The following NKAIN2 variants were observed in gnomAD, a reference collection of about 807,000 sequenced individuals.
NKAIN2 encodes the protein sodium/potassium-transporting ATPase subunit beta-1-interacting protein 2.
In NKAIN2, 14 loss-of-function variants were observed where a neutral mutation model predicts 32.6. The observed-to-expected ratio is 0.43, with a 90% CI of 0.28 to 0.67. The LOEUF (loss-of-function observed/expected upper bound fraction) is 0.67, where lower values mean the gene tolerates loss of function less well. NKAIN2 is among the 30% of genes least tolerant of loss of function. The probability of loss-of-function intolerance (pLI) is 0.17; values close to 1 mark genes in which losing one functional copy is unlikely to be tolerated. For missense variants in NKAIN2, 198 were observed against 258.3 expected (o/e 0.77, Z 1.60); for synonymous variants, 80 against 87.2 (o/e 0.92, Z 0.46).
Position 124,051,039 on chromosome 6 carries a change from A to G in NKAIN2, c.55-231966A>G, listed in dbSNP as rs578048014. On this transcript the variant is annotated intron_variant, in intron 1 of 6. Coordinates refer to ENST00000368417, the MANE Select transcript of NKAIN2 (RefSeq NM_001040214.3). Reference sequence around the variant, plus strand: ...TCTTTTAACAGGTTCAATTTATAGCATATAACAGTTGTGAATAGAAATCCA... The same window carrying G: ...TCTTTTAACAGGTTCAATTTATAGCGTATAACAGTTGTGAATAGAAATCCA... Among the ~76,000 whole-genome samples, 15 of 152,258 alleles carry G rather than the reference A, an allele frequency of 9.9e-5. No individual in the cohort carries two copies. In the South Asian group the frequency reaches 2.3e-3, roughly 23 times the overall value.
intron 1 of NKAIN2, among the ~76,000 whole-genome samples, chr6:124,014,015 A>C (rs1780457786): frequency 6.6e-6 from 1 of 152,130 alleles, no homozygotes; most frequent in South Asian, 2.1e-4. Context: ...AGGATAATAA[A>C]CTTATGTTCT....
Position 124,114,479 on chromosome 6 carries a change from G to A in NKAIN2, c.55-168526G>A, listed in dbSNP as rs1490822555. Among the ~76,000 whole-genome samples, 4 of 152,036 alleles carry A rather than the reference G, an allele frequency of 2.6e-5. No homozygotes were observed. The East Asian group carries it at 7.7e-4, about 29-fold the overall frequency. ...AGATAAGTTCAAGTAGAGATGTCAA[G>A]TAGGAGGTTGGCTATATGAGTTTAA... On this transcript the variant is annotated intron_variant, in intron 1 of 6. Coordinates refer to ENST00000368417, the MANE Select transcript of NKAIN2 (RefSeq NM_001040214.3).
chr6:124,044,392 G>T lies in NKAIN2; in HGVS notation c.55-238613G>T, dbSNP rs571240743. 3.3e-5 allele frequency among the ~76,000 whole-genome samples: 5 copies of T among 151,976 alleles called. No individual in the cohort carries two copies. In the South Asian group the frequency reaches 8.3e-4, roughly 25 times the overall value. On this transcript the variant is annotated intron_variant, in intron 1 of 6. Transcript: ENST00000368417. ...TGTTATTCTGAACTAGACTCTCATC[G>T]CTCTCCCATCTCAGAAAATGTCCAG...
chr6:124,630,665 C>CCTCAACATGAAATATTTTT (rs1422466622), intron 3 of NKAIN2, among the ~76,000 whole-genome samples: 11 of 152,054 alleles, frequency 7.2e-5, no homozygotes, highest in Non-Finnish European at 1.5e-4. Flanking sequence ...TTCAAAATTT[C>CCTCAACATGAAATATTTTT]CTCAACATGA....
At chr6:123,981,543 A>G (rs1365557444) in intron 1 of NKAIN2, among the ~76,000 whole-genome samples, 1 of 152,082 alleles carries the variant, frequency 6.6e-6, no homozygotes, top group African/African-American at 2.4e-5. Context: ...TCCATCACAT[A>G]TGAAGATCAA....
At chr6:124,445,924 A>G (rs773940454) in intron 3 of NKAIN2, among the ~76,000 whole-genome samples, 2 of 152,126 alleles carry the variant, frequency 1.3e-5, no homozygotes, top group Non-Finnish European at 2.9e-5. Context: ...TATATAGTAC[A>G]TATTTGTTTT....
chr6:123,948,820 C>T lies in NKAIN2; in HGVS notation c.54+144566C>T, dbSNP rs185756194. 1.8e-3 allele frequency among the ~76,000 whole-genome samples: 268 copies of T among 151,480 alleles called. 3 individuals are homozygous for T. Among genetic ancestry groups the T allele is most frequent in the African/African-American group, 1.8e-3 (76 of 41,414 alleles). On this transcript the variant is annotated intron_variant, in intron 1 of 6. Coordinates refer to ENST00000368417, the MANE Select transcript of NKAIN2 (RefSeq NM_001040214.3). ...GTTGCCTGTGCTTTTCAGGTCTTAG[C>T]GATAAAATGTTTGCCTAGTACAATG...
At chr6:123,916,829 T>C (rs72970800) in intron 1 of NKAIN2, among the ~76,000 whole-genome samples, 1,602 of 150,902 alleles carry the variant, frequency 0.011, 14 homozygotes, top group Non-Finnish European at 0.018. Context: ...ATCTATCTAT[T>C]TATCTATCTA....
chr6:124,282,926 A>C lies in NKAIN2; in HGVS notation c.55-79A>C. Reference sequence around the variant, plus strand: ...AGTTATAAGTGCTAATTATGTTATTAATAATTTTATCCTTTTTTCCTCTCA... The same window carrying C: ...AGTTATAAGTGCTAATTATGTTATTCATAATTTTATCCTTTTTTCCTCTCA... On this transcript the variant is annotated intron_variant, in intron 1 of 6. Coordinates refer to ENST00000368417, the MANE Select transcript of NKAIN2 (RefSeq NM_001040214.3). The C allele has an allele frequency of 3.3e-6, 4 of 1,215,868 alleles. No individual in the cohort carries two copies. In the South Asian group the frequency reaches 5.2e-5, roughly 16 times the overall value. 75.3% of individuals were successfully genotyped at this position (1,215,868 alleles called of 1,614,324 possible).
At chr6:124,273,535 C>T (rs1381806410) in intron 1 of NKAIN2, among the ~76,000 whole-genome samples, 1 of 152,112 alleles carries the variant, frequency 6.6e-6, no homozygotes, top group Non-Finnish European at 1.5e-5. Context: ...ACTAATACAC[C>T]ATTTCAGATA....
At chr6:124,485,450 G>A (rs901991014) in intron 3 of NKAIN2, among the ~76,000 whole-genome samples, 1 of 151,858 alleles carries the variant, frequency 6.6e-6, no homozygotes, top group African/African-American at 2.4e-5. Flanking sequence ...AATTTACCAT[G>A]AGCTGCTAAA....
chr6:124,421,623 C>T (rs1477163502), intron 3 of NKAIN2, among the ~76,000 whole-genome samples: 1 of 152,050 alleles, frequency 6.6e-6, no homozygotes, highest in Non-Finnish European at 1.5e-5. Flanking sequence ...CTTGTGATTC[C>T]ATGTTGTAAC....
intron 3 of NKAIN2, among the ~76,000 whole-genome samples, chr6:124,395,195 T>G (rs1773325284): frequency 6.6e-6 from 1 of 152,170 alleles, no homozygotes; most frequent in South Asian, 2.1e-4. Flanking sequence ...ACCCCCTTTT[T>G]CCTGATGTTC....
intron 1 of NKAIN2, among the ~76,000 whole-genome samples, chr6:123,982,451 A>G (rs957706403): frequency 6.6e-6 from 1 of 152,128 alleles, no homozygotes; most frequent in Non-Finnish European, 1.5e-5. Flanking sequence ...ATTGGTTATG[A>G]TATTTCAGTT....
intron 4 of NKAIN2, among the ~76,000 whole-genome samples, chr6:124,711,443 C>G (rs1232950677): frequency 6.6e-6 from 1 of 150,646 alleles, no homozygotes; most frequent in Non-Finnish European, 1.5e-5. Flanking sequence ...CTCCCCATCA[C>G]TTTCAGGTAC....
chr6:123,891,342 G>A (rs947051458), intron 1 of NKAIN2, among the ~76,000 whole-genome samples: 4 of 152,116 alleles, frequency 2.6e-5, no homozygotes, highest in Admixed American at 6.5e-5. Context: ...TATATCTTAC[G>A]TCTATTTTAC....
chr6:124,680,944 A>AT (rs1442807301), intron 4 of NKAIN2, among the ~76,000 whole-genome samples: 31 of 152,018 alleles, frequency 2.0e-4, no homozygotes, highest in African/African-American at 7.2e-4. Flanking sequence ...TAATATATAA[A>AT]TAAAAAATAA....
At chr6:124,205,033 A>G (rs1456171415) in intron 1 of NKAIN2, among the ~76,000 whole-genome samples, 1 of 151,770 alleles carries the variant, frequency 6.6e-6, no homozygotes, top group African/African-American at 2.4e-5. Context: ...TATTATTATG[A>G]CATTGATACA....
intron 3 of NKAIN2, among the ~76,000 whole-genome samples, chr6:124,625,991 A>G (rs545590301): frequency 1.3e-5 from 2 of 151,640 alleles, no homozygotes; most frequent in African/African-American, 2.4e-5. Context: ...TGTGCACAAT[A>G]TGCAGGTTTG....
Sources: allele counts gnomAD v4.1 joint callset (sites outside exome capture counted in the v4.1 genomes callset), GRCh38; gene constraint gnomAD v4.1.1; transcripts MANE v1.5; gene names NCBI Gene and HGNC (gene_info 2026-07-23, HGNC 2026-07-21).